PCDHGA10: variants seen among roughly 807,000 people sequenced by gnomAD.
PCDHGA10 encodes protocadherin gamma-A10.
PCDHGA10 carries 42 observed loss-of-function variants against 59.5 expected under a neutral mutation model. The observed-to-expected ratio is 0.71, with a 90% confidence interval of 0.55 to 0.91. The LOEUF (loss-of-function observed/expected upper bound fraction) is 0.91. PCDHGA10 is among the 40% of genes least tolerant of loss of function. PCDHGA10 has a pLI of 0.00. For missense variants in PCDHGA10, 1,111 were observed against 1,198.2 expected (o/e 0.93, Z 1.07); for synonymous variants, 511 against 517.2 (o/e 0.99, Z 0.16).
intron 1 of PCDHGA10, chr5:141,424,569 C>A (rs1436039976): frequency 6.6e-6 from 1 of 151,996 alleles, no homozygotes; most frequent in African/African-American, 2.4e-5. Flanking sequence ...TCTCAAAAAC[C>A]TATTTTCAAA....
chr5:141,491,659 G>A lies in PCDHGA10; in HGVS notation c.2437-3148G>A. On this transcript the variant is annotated intron_variant, in intron 1 of 3. Transcript: ENST00000398610. This position sits in a 1 kb window ranked among gnomAD's most constrained non-coding sequence, Gnocchi z 6.9. ...CACAGCTCTGGCGCTGGAGCCTGACGCCATCCGGTCCCGCTCTAATACGCT... is the reference window on the plus strand; with the variant it reads ...CACAGCTCTGGCGCTGGAGCCTGACACCATCCGGTCCCGCTCTAATACGCT... 6.2e-7 allele frequency: 1 copy of A among 1,613,766 alleles called. No homozygotes were observed. The highest frequency in any genetic ancestry group is 8.5e-7 in the Non-Finnish European group (1 of 1,180,004).
chr5:141,481,877 G>A (rs535267598), intron 1 of PCDHGA10, among the ~76,000 whole-genome samples: 4 of 144,402 alleles, frequency 2.8e-5, no homozygotes, highest in African/African-American at 7.8e-5. Context: ...TCGCGCCACT[G>A]CACTCCAGCC....
Position 141,477,388 on chromosome 5 carries a change from C to T in PCDHGA10, c.2437-17419C>T. The T allele has an allele frequency of 6.2e-7, 1 of 1,614,136 alleles. No homozygotes were observed. The highest frequency in any genetic ancestry group is 8.5e-7 in the Non-Finnish European group (1 of 1,180,014). On this transcript the variant is annotated intron_variant, in intron 1 of 3. Transcript: ENST00000398610. The surrounding 1 kb of genome is among the most constrained non-coding windows in gnomAD (Gnocchi z 4.9). Reference sequence around the variant, plus strand: ...ATCGGGAGACTGTGCCAGAATACAACCTCAGCATCACCGCCCGAGACGCCG... The same window carrying T: ...ATCGGGAGACTGTGCCAGAATACAATCTCAGCATCACCGCCCGAGACGCCG...
At position 141,493,061 on chromosome 5, in the gene PCDHGA10, C is replaced by G. The variant is rs1386090478; in HGVS notation, c.2437-1746C>G. On this transcript the variant is annotated intron_variant, in intron 1 of 3. Transcript: ENST00000398610. The surrounding 1 kb of genome is among the most constrained non-coding windows in gnomAD (Gnocchi z 4.3). The stretch of plus-strand genomic sequence containing the variant: ...GAGGAAACTACAATAGTAAAAAACA[C>G]AAGTTTCTCCAACTCCAGGAGCTTT... Among the ~76,000 whole-genome samples the G allele has an allele frequency of 6.6e-6, 1 of 152,228 alleles. No individual in the cohort carries two copies. Among genetic ancestry groups the G allele is most frequent in the African/African-American group, 2.4e-5 (1 of 41,446 alleles).
intron 1 of PCDHGA10, among the ~76,000 whole-genome samples, chr5:141,479,935 A>C (rs1226362422): frequency 1.3e-5 from 2 of 152,232 alleles, no homozygotes. Context: ...CATCATTGCT[A>C]TCAACTCTTG....
At chr5:141,474,964 CATT>C (rs1489874965) in intron 1 of PCDHGA10, among the ~76,000 whole-genome samples, 1 of 152,216 alleles carries the variant, frequency 6.6e-6, no homozygotes, top group Non-Finnish European at 1.5e-5. Context: ...CTATCCTAAT[CATT>C]ATAATTTTGT....
chr5:141,479,324 C>G (rs2099492748), intron 1 of PCDHGA10: 1 of 152,556 alleles, frequency 6.6e-6, no homozygotes, highest in Admixed American at 6.5e-5. Context: ...TAGCCAGACT[C>G]AGTGGTGTGC....
At chr5:141,462,990 A>G (rs181384059) in intron 1 of PCDHGA10, among the ~76,000 whole-genome samples, 1 of 152,126 alleles carries the variant, frequency 6.6e-6, no homozygotes, top group Non-Finnish European at 1.5e-5. Flanking sequence ...GCCTTGGGCT[A>G]ATTTAGACCT....
At chr5:141,421,089 T>A (rs1047424267) in intron 1 of PCDHGA10, 25 of 661,836 alleles carry the variant, frequency 3.8e-5, no homozygotes, top group Middle Eastern at 4.1e-4. Context: ...TCACAGATCC[T>A]GACACTGGAG....
At position 141,491,686 on chromosome 5, in the gene PCDHGA10, C is replaced by CG; in HGVS notation, c.2437-3118dup. 1 of 1,612,970 alleles carries CG rather than the reference C, an allele frequency of 6.2e-7. No individual in the cohort carries two copies. The highest frequency in any genetic ancestry group is 2.2e-5 in the East Asian group (1 of 44,838). ...CATCCGGTCCCGCTCTAATACGCTG[C>CG]GGGAGCGGAGCCAGGTGAGGGGCTC... On this transcript the variant is annotated intron_variant, in intron 1 of 3. Transcript: ENST00000398610. The surrounding 1 kb of genome is among the most constrained non-coding windows in gnomAD (Gnocchi z 6.9).
chr5:141,433,742 C>G (rs927651405), intron 1 of PCDHGA10, among the ~76,000 whole-genome samples: 1 of 150,826 alleles, frequency 6.6e-6, no homozygotes, highest in Non-Finnish European at 1.5e-5. Flanking sequence ...GAGGCTGAGT[C>G]AGGAGAATTG....
At chr5:141,465,867 A>G (rs1049493106) in intron 1 of PCDHGA10, among the ~76,000 whole-genome samples, 5 of 152,040 alleles carry the variant, frequency 3.3e-5, no homozygotes, top group African/African-American at 9.7e-5. Context: ...TCATGCCTGT[A>G]ATCCCAGCAC....
rs762530904 is a variant in PCDHGA10, at chr5:141,422,966, C to T, written c.2436+7355C>T. The T allele has an allele frequency of 2.5e-6, 4 of 1,614,112 alleles. No individual in the cohort carries two copies. The East Asian group carries it at 8.9e-5, about 36-fold the overall frequency. ...GGCTCCACTGGCGTGGAGCTGGCGC[C>T]CCGCTCTGCGGAACCTGGCTACCTG... On this transcript the variant is annotated intron_variant, in intron 1 of 3. Coordinates refer to ENST00000398610, the MANE Select transcript of PCDHGA10 (RefSeq NM_018913.3).
chr5:141,487,695 C>T lies in PCDHGA10; in HGVS notation c.2437-7112C>T, dbSNP rs1345224043. The stretch of plus-strand genomic sequence containing the variant: ...TGGCTAGGCCATGTCCTAGAGAGTA[C>T]TGGCCTCTCAGTAAGTGCCCATAGT... On this transcript the variant is annotated intron_variant, in intron 1 of 3. Coordinates refer to ENST00000398610, the MANE Select transcript of PCDHGA10 (RefSeq NM_018913.3). The surrounding 1 kb of genome is among the most constrained non-coding windows in gnomAD (Gnocchi z 5.0). 2 of 1,601,306 alleles carry T rather than the reference C, an allele frequency of 1.2e-6. No individual in the cohort carries two copies. Among genetic ancestry groups the T allele is most frequent in the East Asian group, 2.2e-5 (1 of 44,606 alleles).
chr5:141,426,363 C>T (rs994657779), intron 1 of PCDHGA10: 12 of 202,404 alleles, frequency 5.9e-5, no homozygotes, highest in East Asian at 4.4e-4. Context: ...CTTTGTTCTG[C>T]GGGGCACCCT....
At chr5:141,427,777 C>A in intron 1 of PCDHGA10, 1 of 1,432,382 alleles carries the variant, frequency 7.0e-7, no homozygotes, top group Non-Finnish European at 9.7e-7. Flanking sequence ...GAGCTGCGGG[C>A]ACTGTCGTCC....
In PCDHGA10 at chr5:141,417,959, C is replaced by T. The variant is rs759279387; in HGVS notation, c.2436+2348C>T. 7.4e-6 allele frequency: 12 copies of T among 1,613,616 alleles called. No homozygotes were observed. The highest frequency in any genetic ancestry group is 4.0e-5 in the African/African-American group (3 of 74,932). On this transcript the variant is annotated intron_variant, in intron 1 of 3. Coordinates refer to ENST00000398610, the MANE Select transcript of PCDHGA10 (RefSeq NM_018913.3). The stretch of plus-strand genomic sequence containing the variant: ...CTACCCCACGCTGTGTGAGCCGATC[C>T]GCTACTCGATTCCGGAGGAGCTGGC...
chr5:141,503,214 T>C (rs994291483), intron 2 of PCDHGA10, among the ~76,000 whole-genome samples: 7 of 152,096 alleles, frequency 4.6e-5, no homozygotes, highest in African/African-American at 1.7e-4. Flanking sequence ...GTGCCCACCA[T>C]GAGCACCGTA....
At position 141,414,115 on chromosome 5, in the gene PCDHGA10, G is replaced by A; in HGVS notation, c.940G>A (p.Glu314Lys). Residue 314 changes from glutamate to lysine, a missense_variant, in exon 1 of 4, where the codon GAA becomes AAA. Physicochemically the swap from Glu to Lys is moderately conservative, Grantham distance 56 (BLOSUM62 1). Transcript: ENST00000398610. ...EIKISENLDY[E>K]ETGFYEIEIQ... ...AAAAATATCAGAAAATCTAGATTAT[G>A]AAGAAACCGGTTTCTATGAAATAGA... is the stretch of plus-strand genomic sequence containing the variant. 6.3e-7 allele frequency: 1 copy of A among 1,591,952 alleles called. No homozygotes were observed. The highest frequency in any genetic ancestry group is 1.7e-4 in the Middle Eastern group (1 of 6,034).
Sources: allele counts gnomAD v4.1 joint callset (sites outside exome capture counted in the v4.1 genomes callset), GRCh38; gene constraint gnomAD v4.1.1; non-coding constraint Gnocchi (gnomAD v3.1); transcripts MANE v1.5; gene names NCBI Gene and HGNC (gene_info 2026-07-23, HGNC 2026-07-21).